The following GMPR variants were observed in gnomAD, a reference collection of about 807,000 sequenced individuals.
GMPR encodes the protein guanosine monophosphate reductase.
In GMPR, 31 loss-of-function variants were observed where a neutral mutation model predicts 38.4. The ratio of observed to expected loss-of-function variants is 0.81; its 90% CI spans 0.61 to 1.09. The LOEUF is 1.09. Among genes scored for constraint, GMPR ranks in the 50% least tolerant of loss-of-function variants. The pLI is 0.00. For missense variants in GMPR, 468 were observed against 453.7 expected (o/e 1.03, Z -0.29); for synonymous variants, 162 against 173.3 (o/e 0.93, Z 0.51).
At chr6:16,293,324 A>C (rs982860622) in intron 8 of GMPR, among the ~76,000 whole-genome samples, 7 of 152,192 alleles carry the variant, frequency 4.6e-5, no homozygotes, top group African/African-American at 1.7e-4. Flanking sequence ...ATCTTACGAA[A>C]ATGAAATGTC....
chr6:16,274,308 C>T, intron 4 of GMPR, 107 bp from the exon 5 acceptor site: 1 of 738,702 alleles, frequency 1.4e-6, no homozygotes, highest in Non-Finnish European at 2.4e-6. Flanking sequence ...CCCCCAGCTG[C>T]CTGGTGGCTT....
Position 16,278,900 on chromosome 6 carries a change from C to T in GMPR, c.654+10C>T, listed in dbSNP as rs768835253. On this transcript the variant is annotated intron_variant, in intron 6 of 8. Transcript: ENST00000259727. ...GGGCCACATCATCTCTGTGAGTCTC[C>T]ACCCGGGGCTGAGGCTGGGGTGTCT... 4 of 1,568,326 alleles carry T rather than the reference C, an allele frequency of 2.6e-6. No individual in the cohort carries two copies. In the South Asian group the frequency reaches 3.4e-5, roughly 13 times the overall value.
At position 16,272,388 on chromosome 6, in the gene GMPR, T is replaced by C. The variant is rs183850298; in HGVS notation, c.466-2027T>C. 9.8e-4 allele frequency among the ~76,000 whole-genome samples: 149 copies of C among 152,350 alleles called. 1 individual carries two copies. Among genetic ancestry groups the C allele is most frequent in the African/African-American group, 3.4e-3 (143 of 41,586 alleles). On this transcript the variant is annotated intron_variant, in intron 4 of 8. Transcript: ENST00000259727. ...TGATTATTTCCTTGGCAGAGAATCT[T>C]AGAAGAATTATTGAATACAAGGAAG...
At chr6:16,253,103 A>C (rs1160827177) in intron 3 of GMPR, among the ~76,000 whole-genome samples, 3 of 152,248 alleles carry the variant, frequency 2.0e-5, no homozygotes, top group Admixed American at 6.5e-5. Context: ...TGTGAGGTTC[A>C]GGGGCACTGG....
At position 16,292,413 on chromosome 6, in the gene GMPR, A is replaced by G. The variant is rs183505525; in HGVS notation, c.857+1792A>G. 4.1e-3 allele frequency among the ~76,000 whole-genome samples: 618 copies of G among 152,174 alleles called. 1 individual carries two copies. The highest frequency in any genetic ancestry group is 6.6e-3 in the Non-Finnish European group (451 of 67,996). Reference sequence around the variant, plus strand: ...CTCTTTCTCTTGGTGGTGAACCCCAATAAAGATATTATAGTATGGGAAAAG... The same window carrying G: ...CTCTTTCTCTTGGTGGTGAACCCCAGTAAAGATATTATAGTATGGGAAAAG... On this transcript the variant is annotated intron_variant, in intron 8 of 8. Transcript: ENST00000259727.
intron 4 of GMPR, among the ~76,000 whole-genome samples, chr6:16,264,169 C>T (rs982327673): frequency 6.6e-6 from 1 of 151,930 alleles, no homozygotes; most frequent in Non-Finnish European, 1.5e-5. Context: ...CTGTGACCGG[C>T]GCCGGAGTTT....
chr6:16,238,659 CCGT>C lies in GMPR; in HGVS notation c.-32_-30del. 1 of 1,126,362 alleles carries C rather than the reference CCGT, an allele frequency of 8.9e-7. No individual in the cohort carries two copies. Among genetic ancestry groups the C allele is most frequent in the South Asian group, 2.5e-5 (1 of 40,190 alleles). 69.8% of individuals were successfully genotyped at this position (1,126,362 alleles called of 1,614,324 possible). Reference sequence around the variant, plus strand: ...GCCCCGCGCAGGCGCCCCCGCCCCGCCGTCGCCGCCGCCGCAGCCAGGAGCCGC... The same window carrying C: ...GCCCCGCGCAGGCGCCCCCGCCCCGCCGCCGCCGCCGCAGCCAGGAGCCGC... On this transcript the variant is annotated 5_prime_UTR_variant, in exon 1 of 9. Transcript: ENST00000259727.
In GMPR at chr6:16,238,795, G is replaced by A. The variant is rs1256378755; in HGVS notation, c.87+15G>A. 2.8e-6 allele frequency: 4 copies of A among 1,417,486 alleles called. No homozygotes were observed. In the African/African-American group the frequency reaches 4.4e-5, roughly 15 times the overall value. 87.8% of individuals were successfully genotyped at this position (1,417,486 alleles called of 1,614,324 possible). A position where few individuals can be genotyped will look rare whatever the true frequency, so the allele number is the denominator to read the frequency against. On this transcript the variant is annotated intron_variant, in intron 1 of 8. Coordinates refer to ENST00000259727, the MANE Select transcript of GMPR (RefSeq NM_006877.4). ...GCCGAGCCGAGGTGGGGGACGTTCGGAAGTCGCAGTGGGGTGGGATTTTTT... is the reference window on the plus strand; with the variant it reads ...GCCGAGCCGAGGTGGGGGACGTTCGAAAGTCGCAGTGGGGTGGGATTTTTT...
chr6:16,273,056 A>T lies in GMPR; in HGVS notation c.466-1359A>T, dbSNP rs1759412360. 2.0e-5 allele frequency among the ~76,000 whole-genome samples: 3 copies of T among 152,068 alleles called. No individual in the cohort carries two copies. The South Asian group carries it at 6.2e-4, about 32-fold the overall frequency. On this transcript the variant is annotated intron_variant, in intron 4 of 8. Coordinates refer to ENST00000259727, the MANE Select transcript of GMPR (RefSeq NM_006877.4). ...TCAAGGTTTCCTTCTGAATTTGGGGAGTATAACTTTAATTTTAATTCTTTA... is the reference window on the plus strand; with the variant it reads ...TCAAGGTTTCCTTCTGAATTTGGGGTGTATAACTTTAATTTTAATTCTTTA...
At chr6:16,260,796 A>G (rs1354444538) in intron 4 of GMPR, among the ~76,000 whole-genome samples, 2 of 152,008 alleles carry the variant, frequency 1.3e-5, no homozygotes, top group African/African-American at 2.4e-5. Context: ...ATATGGGGAA[A>G]TGGAGTGAAT....
At chr6:16,294,359 C>G (rs1456199249) in intron 8 of GMPR, among the ~76,000 whole-genome samples, 1 of 152,150 alleles carries the variant, frequency 6.6e-6, no homozygotes, top group Non-Finnish European at 1.5e-5. Context: ...GGCAGGCTAT[C>G]AAAACAGAGC....
chr6:16,243,772 G>A (rs957617991), intron 1 of GMPR, among the ~76,000 whole-genome samples: 1 of 152,100 alleles, frequency 6.6e-6, no homozygotes, highest in Non-Finnish European at 1.5e-5. Flanking sequence ...CTTAGGCCAC[G>A]CTCCAAGTAC....
At chr6:16,267,301 G>T (rs1313153226) in intron 4 of GMPR, among the ~76,000 whole-genome samples, 1 of 152,108 alleles carries the variant, frequency 6.6e-6, no homozygotes, top group Non-Finnish European at 1.5e-5. Flanking sequence ...GAACCTGGGA[G>T]GTGGAGCTTG....
chr6:16,254,799 C>T lies in GMPR; in HGVS notation c.465+64C>T, dbSNP rs1581649930. ...ATGGGGAAGCCACGAGGGAGTTGTTCAATGTGTCGGGGGAGCTGTATCCTC... is the reference window on the plus strand; with the variant it reads ...ATGGGGAAGCCACGAGGGAGTTGTTTAATGTGTCGGGGGAGCTGTATCCTC... On this transcript the variant is annotated intron_variant, in intron 4 of 8. Transcript: ENST00000259727. The T allele has an allele frequency of 1.6e-5, 19 of 1,185,376 alleles. No homozygotes were observed. The East Asian group carries it at 4.2e-4, about 26-fold the overall frequency. The allele number at this position is 1,185,376 out of a possible 1,614,324, so 73.4% of individuals were successfully genotyped here.
chr6:16,285,260 C>T (rs991608137), intron 6 of GMPR, among the ~76,000 whole-genome samples: 6 of 152,208 alleles, frequency 3.9e-5, no homozygotes, highest in African/African-American at 1.4e-4. Context: ...TTGTACCATA[C>T]ATGAGGAATA....
chr6:16,289,183 C>G (rs573518411), intron 7 of GMPR, among the ~76,000 whole-genome samples: 1 of 152,302 alleles, frequency 6.6e-6, no homozygotes, highest in Admixed American at 6.5e-5. Flanking sequence ...CATTTTTGAG[C>G]TAGCGCAGAC....
intron 1 of GMPR, 74 bp from the exon 2 acceptor site, chr6:16,246,767 GA>G: frequency 6.8e-7 from 1 of 1,465,738 alleles, no homozygotes; most frequent in East Asian, 2.3e-5. Context: ...CCAAACTCCA[GA>G]AATTCTGCAC....
chr6:16,252,704 C>T (rs1758899713), intron 3 of GMPR, among the ~76,000 whole-genome samples: 1 of 152,130 alleles, frequency 6.6e-6, no homozygotes, highest in Admixed American at 6.6e-5. Context: ...AGAAGGCAAC[C>T]AATCTCAAGT....
intron 4 of GMPR, among the ~76,000 whole-genome samples, chr6:16,258,483 TGG>T (rs1417639320): frequency 6.6e-6 from 1 of 152,100 alleles, no homozygotes; most frequent in Non-Finnish European, 1.5e-5. Context: ...GGAGTTGCTA[TGG>T]GGGAGTTTAC....
Sources: gnomAD v4.1 joint callset for allele counts (sites outside exome capture counted in the v4.1 genomes callset) on GRCh38, gnomAD v4.1.1 for gene constraint, MANE v1.5 for transcripts, NCBI Gene and HGNC (gene_info 2026-07-23, HGNC 2026-07-21) for gene names.